DST: variants seen among roughly 807,000 people sequenced by gnomAD.
The protein encoded by DST is bullous pemphigoid antigen.
A neutral mutation model predicts 875.2 loss-of-function variants in DST; 253 were observed. That is an observed-to-expected ratio of 0.29 (90% CI 0.26 to 0.32). The LOEUF (loss-of-function observed/expected upper bound fraction) is 0.32. DST is among the 10% of genes least tolerant of loss of function. The pLI is 1.00. For missense variants in DST, 8,287 were observed against 9,111.6 expected, an observed-to-expected ratio of 0.91 and a Z score of 3.68; for synonymous variants, 3,124 against 3,197.1, an observed-to-expected ratio of 0.98 and a Z score of 0.77.
intron 4 of DST, among the ~76,000 whole-genome samples, chr6:56,735,556 T>TCACCACCACTACCAC (rs2099519908): frequency 6.6e-6 from 1 of 151,168 alleles, no homozygotes; most frequent in Non-Finnish European, 1.5e-5. Context: ...TAACCCCTCA[T>TCACCACCACTACCAC]CACCACCACC....
chr6:56,807,084 T>C (rs2153030541), intron 4 of DST, among the ~76,000 whole-genome samples: 1 of 152,286 alleles, frequency 6.6e-6, no homozygotes, highest in East Asian at 1.9e-4. Flanking sequence ...AGGGTCTCGC[T>C]CTGTCCCCCA....
chr6:56,617,015 A>G (rs764100420), intron 36 of DST: 1 of 1,612,270 alleles, frequency 6.2e-7, no homozygotes, highest in South Asian at 1.1e-5. Flanking sequence ...GGCAAATGAA[A>G]TCTTTTCTTT....
In DST at chr6:56,622,324, A is replaced by G. The variant is rs143480496; in HGVS notation, c.4929+2206T>C. Among the ~76,000 whole-genome samples the G allele has an allele frequency of 9.6e-3, 1,463 of 152,238 alleles. 23 individuals carry two copies. The highest frequency in any genetic ancestry group is 0.033 in the African/African-American group (1,372 of 41,528). ...GGTGGCTCATGCCTGTAATCCCAGC[A>G]CTTTGGGAACCCAAGGCGGGTGGAT... is the stretch of plus-strand genomic sequence containing the variant. On this transcript the variant is annotated intron_variant, in intron 36 of 103. Transcript: ENST00000680361.
chr6:56,615,639 T>C, intron 36 of DST: 1 of 1,614,118 alleles, frequency 6.2e-7, no homozygotes, highest in Non-Finnish European at 8.5e-7. Context: ...GTCAACTTTC[T>C]TTTTGTCTGA....
chr6:56,591,525 C>T (rs1033696055), intron 49 of DST, among the ~76,000 whole-genome samples: 1 of 152,128 alleles, frequency 6.6e-6, no homozygotes, highest in South Asian at 2.1e-4. Context: ...GACAAAGACA[C>T]GTGTTCTTGT....
At chr6:56,773,763 C>T (rs1042447415) in intron 4 of DST, among the ~76,000 whole-genome samples, 4 of 152,122 alleles carry the variant, frequency 2.6e-5, no homozygotes, top group African/African-American at 7.2e-5. Context: ...AATATATCTA[C>T]CATCTGGACT....
intron 49 of DST, among the ~76,000 whole-genome samples, chr6:56,587,791 A>G (rs2098188806): frequency 6.6e-6 from 1 of 152,128 alleles, no homozygotes; most frequent in African/African-American, 2.4e-5. Flanking sequence ...TCAACCCAGA[A>G]TTTCATATCC....
intron 2 of DST, among the ~76,000 whole-genome samples, chr6:56,937,151 T>A: frequency 6.6e-6 from 1 of 151,952 alleles, no homozygotes; most frequent in East Asian, 1.9e-4. Context: ...CAAAGTATAA[T>A]CCATAAAGAA....
chr6:56,929,243 G>C (rs1459620270), intron 2 of DST, among the ~76,000 whole-genome samples: 2 of 152,008 alleles, frequency 1.3e-5, no homozygotes, highest in Non-Finnish European at 2.9e-5. Context: ...GATAACATTT[G>C]CACACATGTA....
chr6:56,635,093 C>A, intron 24 of DST, 140 bp from the exon 25 acceptor site: 1 of 689,722 alleles, frequency 1.4e-6, no homozygotes, highest in East Asian at 2.7e-5. Flanking sequence ...TCCTCCTCCA[C>A]CCCATCTTGT....
intron 61 of DST, chr6:56,542,820 G>A (rs957951187): frequency 1.3e-5 from 2 of 152,302 alleles, no homozygotes; most frequent in Non-Finnish European, 2.9e-5. Context: ...CTGCGTCTCT[G>A]GGCCTGCCGG....
chr6:56,786,093 T>C (rs984375250), intron 4 of DST, among the ~76,000 whole-genome samples: 18 of 152,086 alleles, frequency 1.2e-4, no homozygotes, highest in Non-Finnish European at 2.4e-4. Context: ...AATAAAACTG[T>C]GTGTGTTTGT....
Position 56,804,355 on chromosome 6 carries a change from TA to T in DST, c.625+47041del, listed in dbSNP as rs933149388. ...GTTAAGTAAGATTAAAAATAAATGTTAAAAAAAAATTTAAGGTAATTATGAC... is the reference window on the plus strand; with the variant it reads ...GTTAAGTAAGATTAAAAATAAATGTTAAAAAAAATTTAAGGTAATTATGAC... On this transcript the variant is annotated intron_variant, in intron 4 of 103. Transcript: ENST00000680361. 8.6e-5 allele frequency among the ~76,000 whole-genome samples: 13 copies of T among 151,824 alleles called. 1 individual carries two copies. The highest frequency in any genetic ancestry group is 1.9e-4 in the East Asian group (1 of 5,182).
chr6:56,619,181 G>A, intron 36 of DST: 3 of 1,613,994 alleles, frequency 1.9e-6, no homozygotes, highest in Non-Finnish European at 2.5e-6. Context: ...AAAACCATCT[G>A]CCTGAATTTT....
chr6:56,568,347 G>C, intron 55 of DST, 122 bp downstream of exon 55: 1 of 1,066,388 alleles, frequency 9.4e-7, no homozygotes, highest in Non-Finnish European at 1.3e-6. Flanking sequence ...CATGTTTCTT[G>C]TCACTTTCAC....
chr6:56,569,746 A>G (rs193194335), intron 54 of DST, 110 bp downstream of exon 54: 2 of 936,738 alleles, frequency 2.1e-6, no homozygotes, highest in East Asian at 2.5e-5. Context: ...TACAGTACAT[A>G]TATGAGGATA....
chr6:56,758,540 G>C (rs183364386), intron 4 of DST, among the ~76,000 whole-genome samples: 2 of 152,304 alleles, frequency 1.3e-5, no homozygotes, highest in Admixed American at 6.5e-5. Context: ...CAGGTACAAG[G>C]GGGGCAGGTT....
intron 2 of DST, among the ~76,000 whole-genome samples, chr6:56,933,546 A>T (rs983807166): frequency 6.6e-6 from 1 of 152,220 alleles, no homozygotes; most frequent in Non-Finnish European, 1.5e-5. Flanking sequence ...CAATAACAAG[A>T]GGGGAGAATG....
At chr6:56,650,830 T>G (rs988711217) in intron 12 of DST, 96 bp downstream of exon 12, 3 of 691,886 alleles carry the variant, frequency 4.3e-6, no homozygotes, top group East Asian at 2.7e-5. Context: ...TAAAATATAT[T>G]CAACATTCAA....
Sources: allele counts gnomAD v4.1 joint callset (sites outside exome capture counted in the v4.1 genomes callset), GRCh38; gene constraint gnomAD v4.1.1; transcripts MANE v1.5; gene names NCBI Gene and HGNC (gene_info 2026-07-23, HGNC 2026-07-21).